DMXL2: variants seen among roughly 807,000 people sequenced by gnomAD.
The protein encoded by DMXL2 is Dmx like 2, also known as dmX-like protein 2.
In DMXL2, 103 loss-of-function variants were observed where a neutral mutation model predicts 331.1. The observed-to-expected ratio is 0.31, with a 90% CI of 0.27 to 0.37. The LOEUF (loss-of-function observed/expected upper bound fraction) is 0.37. Ranked by LOEUF, DMXL2 falls within the 10% of genes least tolerant of loss-of-function variation. DMXL2 has a pLI of 1.00. For missense variants in DMXL2, 3,171 were observed against 3,642.9 expected (o/e 0.87, Z 3.33); for synonymous variants, 1,281 against 1,252.1 (o/e 1.02, Z -0.49).
rs972613287 is a variant in DMXL2 at position 51,448,295 on chromosome 15, T to C, written c.*689A>G. On this transcript the variant is annotated 3_prime_UTR_variant, in exon 44 of 44. Coordinates refer to ENST00000560891, the MANE Select transcript of DMXL2 (RefSeq NM_001378457.1). Reference sequence around the variant, plus strand: ...TAACTACAAATATGTCATGTTCACATAGTACATTCCTAACATGAAGGCAAA... The same window carrying C: ...TAACTACAAATATGTCATGTTCACACAGTACATTCCTAACATGAAGGCAAA... 2 of 153,170 alleles carry C rather than the reference T, an allele frequency of 1.3e-5. No individual in the cohort carries two copies. Among genetic ancestry groups the C allele is most frequent in the Middle Eastern group, 3.4e-3 (1 of 294 alleles). 9.5% of individuals were successfully genotyped at this position (153,170 alleles called of 1,614,324 possible).
At chr15:51,576,467 T>C (rs978334782) in intron 1 of DMXL2, among the ~76,000 whole-genome samples, 1 of 152,158 alleles carries the variant, frequency 6.6e-6, no homozygotes. Flanking sequence ...CATAAGTCAT[T>C]CTGTTTAGAC....
chr15:51,454,031 G>A, intron 40 of DMXL2: 1 of 172,704 alleles, frequency 5.8e-6, no homozygotes, highest in Non-Finnish European at 1.2e-5. Flanking sequence ...AGGATGTCAA[G>A]GTATTTTAAA....
At chr15:51,529,575 T>C (rs965963604) in intron 13 of DMXL2, among the ~76,000 whole-genome samples, 3 of 152,080 alleles carry the variant, frequency 2.0e-5, no homozygotes, top group African/African-American at 7.2e-5. Context: ...AAAACCTGAA[T>C]AGATCAGTAA....
intron 1 of DMXL2, among the ~76,000 whole-genome samples, chr15:51,588,600 T>C (rs1443492420): frequency 1.3e-5 from 2 of 152,246 alleles, no homozygotes; most frequent in Non-Finnish European, 2.9e-5. Context: ...ATTATTTTTG[T>C]AACTATTGGA....
chr15:51,570,609 A>G (rs959263072), intron 2 of DMXL2, among the ~76,000 whole-genome samples: 5 of 152,224 alleles, frequency 3.3e-5, no homozygotes, highest in Admixed American at 1.3e-4. Flanking sequence ...AAGAAACCCT[A>G]TAAGCCAGAA....
rs144843446 is a variant in DMXL2, at chr15:51,594,834, C to T, written c.88-18653G>A. 2.9e-3 allele frequency among the ~76,000 whole-genome samples: 444 copies of T among 152,274 alleles called. 18 individuals are homozygous for T. In the East Asian group the frequency reaches 0.063, roughly 22 times the overall value. ...AAAACCGTATGATTATCTCAAGAGA[C>T]GCAGAAAAGGCCTTTGACAAAATTC... is the stretch of plus-strand genomic sequence containing the variant. On this transcript the variant is annotated intron_variant, in intron 1 of 43. Transcript: ENST00000560891.
chr15:51,596,945 T>C (rs1206180952), intron 1 of DMXL2, among the ~76,000 whole-genome samples: 1 of 152,104 alleles, frequency 6.6e-6, no homozygotes, highest in Non-Finnish European at 1.5e-5. Flanking sequence ...GGGGGTGGGA[T>C]AGCATTAGGA....
intron 36 of DMXL2, 43 bp downstream of exon 36, chr15:51,458,463 C>G (rs768695563): frequency 7.5e-6 from 12 of 1,596,772 alleles, no homozygotes; most frequent in Non-Finnish European, 9.4e-6. Flanking sequence ...TTGGTGGGTA[C>G]TTCTTACAGA....
At chr15:51,504,484 G>A (rs1043563850) in intron 16 of DMXL2, among the ~76,000 whole-genome samples, 3 of 152,144 alleles carry the variant, frequency 2.0e-5, no homozygotes, top group South Asian at 4.1e-4. Context: ...CTGTTCTTCC[G>A]TGACATATAA....
At chr15:51,599,323 A>T (rs2053059376) in intron 1 of DMXL2, among the ~76,000 whole-genome samples, 3 of 152,192 alleles carry the variant, frequency 2.0e-5, no homozygotes, top group Admixed American at 6.5e-5. Context: ...CAAGATCTAG[A>T]TGCCAGTTGT....
rs2048311782 is a variant in DMXL2, at chr15:51,536,788, C to T, written c.1692G>A (p.Met564Ile). 1 of 1,613,758 alleles carries T rather than the reference C, an allele frequency of 6.2e-7. No homozygotes were observed. The highest frequency in any genetic ancestry group is 8.5e-7 in the Non-Finnish European group (1 of 1,179,954). ...CTTTTGTCGCATTTATACAGGCATACATCATGATATTTTTACTAAGAGAGC... is the reference window on the plus strand; with the variant it reads ...CTTTTGTCGCATTTATACAGGCATATATCATGATATTTTTACTAAGAGAGC... ...DASSLSKNIMMYACINATKDS... is the reference protein window; with the variant it reads ...DASSLSKNIMIYACINATKDS... The change falls in exon 12 of 44, where the codon ATG (methionine) becomes ATA (isoleucine). Residue 564 changes from methionine to isoleucine, a missense_variant. This residue lies in a region of DMXL2 where 1,674 missense variants were observed against 1,780.2 expected (regional missense o/e 0.94). Coordinates refer to ENST00000560891, the MANE Select transcript of DMXL2 (RefSeq NM_001378457.1).
At chr15:51,540,523 AGAG>A (rs1244359535) in intron 9 of DMXL2, among the ~76,000 whole-genome samples, 1 of 152,184 alleles carries the variant, frequency 6.6e-6, no homozygotes, top group Non-Finnish European at 1.5e-5. Flanking sequence ...CTATACAGGC[AGAG>A]GAGGAGAACA....
rs772442568 is a variant in DMXL2 at position 51,536,484 on chromosome 15, A to G, written c.1996T>C (p.Leu666=). ...AGAGCATTATGATGAGAGGATGTCA[A>G]TAACAGTGGTAAAACTGAATGACAT... is the stretch of plus-strand genomic sequence containing the variant. The part of the protein sequence containing the change: ...LACHSVLPLL[L]TSSHHNALLT... The change falls in exon 12 of 44, where the codon TTG becomes CTG. Residue 666 remains leucine (L), a synonymous_variant. Transcript: ENST00000560891. 9 of 1,613,948 alleles carry G rather than the reference A, an allele frequency of 5.6e-6. No individual in the cohort carries two copies. The highest frequency in any genetic ancestry group is 4.4e-5 in the South Asian group (4 of 91,080).
intron 28 of DMXL2, among the ~76,000 whole-genome samples, chr15:51,472,610 T>C (rs2140315514): frequency 1.3e-5 from 2 of 152,330 alleles, no homozygotes; most frequent in East Asian, 3.9e-4. Flanking sequence ...TTCATATAAA[T>C]GGAGCCAGAC....
chr15:51,595,292 G>A lies in DMXL2; in HGVS notation c.88-19111C>T, dbSNP rs373459328. ...TATACCAATAACAGACAAACAGAGA[G>A]CCAAATCATGAGTGAACTCCCACTC... On this transcript the variant is annotated intron_variant, in intron 1 of 43. Coordinates refer to ENST00000560891, the MANE Select transcript of DMXL2 (RefSeq NM_001378457.1). 7.1e-3 allele frequency among the ~76,000 whole-genome samples: 1,080 copies of A among 152,246 alleles called. 17 individuals carry two copies. The highest frequency in any genetic ancestry group is 0.026 in the East Asian group (136 of 5,190).
At position 51,448,792 on chromosome 15, in the gene DMXL2, G is replaced by T; in HGVS notation, c.*192C>A. 6.6e-6 allele frequency: 4 copies of T among 605,532 alleles called. No homozygotes were observed. The highest frequency in any genetic ancestry group is 8.6e-6 in the Non-Finnish European group (3 of 347,336). 37.5% of individuals were successfully genotyped at this position (605,532 alleles called of 1,614,324 possible). Reference sequence around the variant, plus strand: ...ACAATACTAGGTTTTATTTTTTTTAGTATGTCAGCATAATAAGGTACATGC... The same window carrying T: ...ACAATACTAGGTTTTATTTTTTTTATTATGTCAGCATAATAAGGTACATGC... On this transcript the variant is annotated 3_prime_UTR_variant, in exon 44 of 44. Coordinates refer to ENST00000560891, the MANE Select transcript of DMXL2 (RefSeq NM_001378457.1).
At chr15:51,557,087 C>T (rs537545445) in intron 6 of DMXL2, among the ~76,000 whole-genome samples, 1 of 151,570 alleles carries the variant, frequency 6.6e-6, no homozygotes, top group East Asian at 1.9e-4. Flanking sequence ...GGGAGAGTTA[C>T]AAAAGATGAA....
intron 1 of DMXL2, among the ~76,000 whole-genome samples, chr15:51,594,208 T>C (rs1440954044): frequency 6.6e-6 from 1 of 151,870 alleles, no homozygotes; most frequent in African/African-American, 2.4e-5. Flanking sequence ...ATCAAATAGA[T>C]GCAACAAAAA....
chr15:51,550,262 G>C (rs570762737), intron 6 of DMXL2, among the ~76,000 whole-genome samples: 66 of 152,064 alleles, frequency 4.3e-4, no homozygotes, highest in Non-Finnish European at 8.8e-4. Context: ...AATCAGCATA[G>C]AAGGGACAAC....
Sources: allele counts gnomAD v4.1 joint callset (sites outside exome capture counted in the v4.1 genomes callset), GRCh38; gene constraint gnomAD v4.1.1; regional missense constraint gnomAD v4.1.1; transcripts MANE v1.5; gene names NCBI Gene and HGNC (gene_info 2026-07-23, HGNC 2026-07-21).